SRC: variants seen among roughly 807,000 people sequenced by gnomAD.
SRC encodes the protein proto-oncogene tyrosine-protein kinase Src.
In SRC, 13 loss-of-function variants were observed where a neutral mutation model predicts 62.9. The ratio of observed to expected loss-of-function variants is 0.21; its 90% CI spans 0.13 to 0.33. The LOEUF is 0.33. Among genes scored for constraint, SRC ranks in the 10% least tolerant of loss-of-function variants. The pLI is 1.00. For missense variants in SRC, 457 were observed against 737.3 expected, an observed-to-expected ratio of 0.62 and a Z score of 4.40; for synonymous variants, 302 against 317.5, an observed-to-expected ratio of 0.95 and a Z score of 0.52.
intron 1 of SRC, among the ~76,000 whole-genome samples, chr20:37,362,374 C>CAT (rs1235608698): frequency 6.6e-6 from 1 of 152,118 alleles, no homozygotes; most frequent in Non-Finnish European, 1.5e-5. Context: ...CAGTGATTCT[C>CAT]ATGGAAGCCT....
chr20:37,381,028 T>C (rs764495324), intron 2 of SRC, among the ~76,000 whole-genome samples: 4 of 151,996 alleles, frequency 2.6e-5, no homozygotes, highest in Non-Finnish European at 4.4e-5. Flanking sequence ...TCCCGATCGA[T>C]AGAGAGGAAA....
chr20:37,387,045 C>A (rs2147064270), intron 5 of SRC, among the ~76,000 whole-genome samples: 1 of 152,336 alleles, frequency 6.6e-6, no homozygotes, highest in South Asian at 2.1e-4. Context: ...GGGAGGGTGC[C>A]GGACTGGAGG....
intron 9 of SRC, among the ~76,000 whole-genome samples, chr20:37,399,100 GC>G (rs1466162013): frequency 6.6e-5 from 10 of 152,328 alleles, no homozygotes; most frequent in South Asian, 4.1e-4. Context: ...TACTTACTGA[GC>G]CCTCACGGTG....
intron 1 of SRC, among the ~76,000 whole-genome samples, chr20:37,363,348 G>A (rs1013874271): frequency 6.6e-6 from 1 of 152,198 alleles, no homozygotes; most frequent in Non-Finnish European, 1.5e-5. Context: ...AACACACTCT[G>A]GCCAGACCTC....
chr20:37,345,889 C>T (rs1232630583), upstream of SRC, among the ~76,000 whole-genome samples: 1 of 152,078 alleles, frequency 6.6e-6, no homozygotes, highest in South Asian at 2.1e-4. Flanking sequence ...GAGTGGGAGG[C>T]GGGGCTTCTG....
chr20:37,364,325 A>T (rs564357233), intron 1 of SRC, among the ~76,000 whole-genome samples: 3 of 152,258 alleles, frequency 2.0e-5, no homozygotes, highest in Admixed American at 6.5e-5. Context: ...TCTGCAAATC[A>T]GAGCCCACCA....
At position 37,374,081 on chromosome 20, in the gene SRC, A is replaced by AT. The variant is rs146262957; in HGVS notation, c.-172-8521dup. The stretch of plus-strand genomic sequence containing the variant: ...GAACTTCTAGATTGATTTATGAATA[A>AT]TTTTTTTTTTTTTTTTTAGATAGAG... On this transcript the variant is annotated intron_variant, in intron 2 of 13. Coordinates refer to ENST00000373578, the MANE Select transcript of SRC (RefSeq NM_198291.3). Among the ~76,000 whole-genome samples, 649 of 142,800 alleles carry AT rather than the reference A, an allele frequency of 4.5e-3. 5 individuals are homozygous for AT. Among genetic ancestry groups the AT allele is most frequent in the South Asian group, 7.9e-3 (35 of 4,436 alleles). 93.7% of individuals were successfully genotyped at this position (142,800 alleles called of 152,430 possible). A position where few individuals can be genotyped will look rare whatever the true frequency, so the allele number is the denominator to read the frequency against.
Position 37,404,539 on chromosome 20 carries a change from T to C in SRC, c.*1160T>C, listed in dbSNP as rs766580052. On this transcript the variant is annotated 3_prime_UTR_variant, in exon 14 of 14. Coordinates refer to ENST00000373578, the MANE Select transcript of SRC (RefSeq NM_198291.3). ...GTTCTCCTCCCCAAGTCGGCACCCT[T>C]TAACTCATGAGGAGGGAAAAGAGTG... The C allele has an allele frequency of 1.3e-5, 3 of 233,582 alleles. No homozygotes were observed. The highest frequency in any genetic ancestry group is 2.5e-5 in the Non-Finnish European group (3 of 117,974). 14.5% of individuals were successfully genotyped at this position (233,582 alleles called of 1,614,324 possible).
chr20:37,367,799 A>T (rs777222101), intron 2 of SRC, among the ~76,000 whole-genome samples: 10 of 151,482 alleles, frequency 6.6e-5, no homozygotes, highest in Non-Finnish European at 1.2e-4. Context: ...GGCATGCAAC[A>T]CCACGCCTGG....
At chr20:37,385,312 G>T (rs564629212) in intron 4 of SRC, among the ~76,000 whole-genome samples, 1 of 152,178 alleles carries the variant, frequency 6.6e-6, no homozygotes. Flanking sequence ...ACGCCCAAGC[G>T]AGAGAAACAG....
At chr20:37,372,906 T>C (rs1040549493) in intron 2 of SRC, among the ~76,000 whole-genome samples, 4 of 152,200 alleles carry the variant, frequency 2.6e-5, no homozygotes, top group African/African-American at 9.6e-5. Context: ...ATCAGATTTT[T>C]ATGTAGATTG....
intron 1 of SRC, 55 bp downstream of exon 1, chr20:37,346,310 C>T (rs2069718414): frequency 6.7e-6 from 1 of 149,480 alleles, no homozygotes; most frequent in African/African-American, 2.4e-5. Context: ...GCGGGGGAGC[C>T]CCCGCCCCGG....
At chr20:37,357,408 C>T (rs2069900002) in intron 1 of SRC, among the ~76,000 whole-genome samples, 1 of 151,062 alleles carries the variant, frequency 6.6e-6, no homozygotes, top group Admixed American at 6.6e-5. Context: ...CTTGCTCTTC[C>T]ATCCATCCAT....
At chr20:37,370,603 C>A (rs1458808704) in intron 2 of SRC, among the ~76,000 whole-genome samples, 1 of 152,186 alleles carries the variant, frequency 6.6e-6, no homozygotes, top group African/African-American at 2.4e-5. Context: ...ACTTTATATT[C>A]CTGACATCGG....
intron 5 of SRC, among the ~76,000 whole-genome samples, chr20:37,386,912 C>T (rs867280237): frequency 7.2e-5 from 11 of 152,272 alleles, no homozygotes; most frequent in Admixed American, 7.2e-4. Flanking sequence ...CCAGAGTCGG[C>T]TCCTGGAGCC....
At chr20:37,363,230 C>G (rs2070004803) in intron 1 of SRC, among the ~76,000 whole-genome samples, 1 of 152,218 alleles carries the variant, frequency 6.6e-6, no homozygotes, top group African/African-American at 2.4e-5. Flanking sequence ...TGGCCCTGCT[C>G]TCAGTTTTGC....
chr20:37,379,224 CCCT>C (rs1158356178), intron 2 of SRC, among the ~76,000 whole-genome samples: 1 of 152,112 alleles, frequency 6.6e-6, no homozygotes, highest in African/African-American at 2.4e-5. Flanking sequence ...GGCCACCTTT[CCCT>C]GGGAACCTCA....
intron 11 of SRC, 49 bp downstream of exon 11, chr20:37,401,727 A>C: frequency 6.8e-7 from 1 of 1,464,580 alleles, no homozygotes; most frequent in African/African-American, 1.4e-5. Flanking sequence ...TCAAGCACCC[A>C]GACCCATCTG....
intron 1 of SRC, among the ~76,000 whole-genome samples, chr20:37,357,618 G>A (rs2069903396): frequency 6.6e-6 from 1 of 152,232 alleles, no homozygotes. Context: ...AGTGAGTTAT[G>A]TCATCAGAGC....
Sources: gnomAD v4.1 joint callset for allele counts (sites outside exome capture counted in the v4.1 genomes callset) on GRCh38, gnomAD v4.1.1 for gene constraint, MANE v1.5 for transcripts, NCBI Gene and HGNC (gene_info 2026-07-23, HGNC 2026-07-21) for gene names.